Variants in DLG3 observed in about 807,000 individuals in gnomAD.
DLG3 encodes disks large homolog 3.
A neutral mutation model predicts 64.1 loss-of-function variants in DLG3; 1 was observed. The ratio of observed to expected loss-of-function variants is 0.02; its 90% CI spans 0.01 to 0.07. The LOEUF (loss-of-function observed/expected upper bound fraction) is 0.07. DLG3 is among the 10% of genes least tolerant of loss of function. DLG3 has a pLI of 1.00. For synonymous variants in DLG3, 245 were observed against 259.8 expected (o/e 0.94, Z 0.55); for missense variants, 429 against 669.5 (o/e 0.64, Z 3.96).
chrX:70,488,443 T>C (rs1487883902), intron 10 of DLG3, among the ~76,000 whole-genome samples: 2 of 112,356 alleles, frequency 1.8e-5, no homozygotes, highest in Non-Finnish European at 3.8e-5. Context: ...TATCTGGGCC[T>C]GGCTTTCATT....
At chrX:70,463,199 G>A (rs1010467388) in intron 9 of DLG3, among the ~76,000 whole-genome samples, 13 of 111,688 alleles carry the variant, frequency 1.2e-4, no homozygotes, top group African/African-American at 3.9e-4. Flanking sequence ...CCAGTCTGGA[G>A]TGCAGTGGCG....
intron 9 of DLG3, among the ~76,000 whole-genome samples, chrX:70,475,775 T>A (rs1446870322): frequency 1.8e-5 from 2 of 112,259 alleles, no homozygotes; most frequent in Non-Finnish European, 3.8e-5. Context: ...GATACAGAAT[T>A]TTTAAAAAGT....
intron 9 of DLG3, among the ~76,000 whole-genome samples, chrX:70,456,394 T>C (rs1052452688): frequency 2.0e-4 from 23 of 112,341 alleles, no homozygotes; most frequent in African/African-American, 7.4e-4. Context: ...TTTTGCTCTC[T>C]GATGTTGGGC....
At chrX:70,499,790 CCCAGATGAGAATGGA>C in intron 15 of DLG3, 72 bp from the exon 16 acceptor site, 1 of 1,020,634 alleles carries the variant, frequency 9.8e-7, no homozygotes, top group Non-Finnish European at 1.4e-6. Flanking sequence ...CAGTGACCCA[CCCAGATGAGAATGGA>C]CCAGTCAGTA....
intron 9 of DLG3, among the ~76,000 whole-genome samples, chrX:70,456,826 G>T (rs2086717474): frequency 9.0e-6 from 1 of 110,788 alleles, no homozygotes; most frequent in African/African-American, 3.3e-5. Context: ...TCTGTGTTGG[G>T]CTCTAAATTT....
chrX:70,500,837 C>G lies in DLG3; in HGVS notation c.2256-61C>G, dbSNP rs2087542871. 11 of 1,055,855 alleles carry G rather than the reference C, an allele frequency of 1.0e-5. No individual in the cohort carries two copies. The Admixed American group carries it at 2.0e-4, about 20-fold the overall frequency. The allele number at this position is 1,055,855 out of a possible 1,213,427, so 87.0% of individuals were successfully genotyped here. A position where few individuals can be genotyped will look rare whatever the true frequency, so the allele number is the denominator to read the frequency against. ...GATTTTTAGGGATCCTGGAATAATCCTTTATGGTTAATCAGAACATAAGAT... is the reference window on the plus strand; with the variant it reads ...GATTTTTAGGGATCCTGGAATAATCGTTTATGGTTAATCAGAACATAAGAT... On this transcript the variant is annotated intron_variant, in intron 17 of 18. Coordinates refer to ENST00000374360, the MANE Select transcript of DLG3 (RefSeq NM_021120.4).
At chrX:70,451,751 C>G in intron 6 of DLG3, 116 bp from the exon 7 acceptor site, 1 of 906,487 alleles carries the variant, frequency 1.1e-6, no homozygotes, top group Non-Finnish European at 1.6e-6. Flanking sequence ...CCTGAGGAAT[C>G]AGCATCCCTT....
At chrX:70,446,680 T>C (rs2086571945) in intron 1 of DLG3, among the ~76,000 whole-genome samples, 1 of 112,291 alleles carries the variant, frequency 8.9e-6, no homozygotes, top group African/African-American at 3.2e-5. Context: ...GCTTAGAAAA[T>C]GGAAGGAGCA....
chrX:70,493,724 TC>T (rs1187834155), intron 12 of DLG3, among the ~76,000 whole-genome samples: 1 of 112,960 alleles, frequency 8.9e-6, no homozygotes, highest in African/African-American at 3.2e-5. Flanking sequence ...GGTCCCAGGG[TC>T]AGCCTCCAGG....
rs1300548742 is a variant in DLG3 at position 70,491,816 on chromosome X, C to T, written c.1521-291C>T. Among the ~76,000 whole-genome samples the T allele has an allele frequency of 3.6e-5, 4 of 112,163 alleles. No individual in the cohort carries two copies. The East Asian group carries it at 8.4e-4, about 23-fold the overall frequency. On this transcript the variant is annotated intron_variant, in intron 10 of 18. Coordinates refer to ENST00000374360, the MANE Select transcript of DLG3 (RefSeq NM_021120.4). ...GTGGGTGAGGGAGAGGGCTATTGAG[C>T]GAGTTCTACTTTGGACTTTTATCTT...
intron 7 of DLG3, chrX:70,453,374 T>G (rs757496264): frequency 3.0e-6 from 1 of 331,713 alleles, no homozygotes; most frequent in African/African-American, 2.9e-5. Flanking sequence ...AGGGATTTGT[T>G]CACCCGAGAG....
chrX:70,446,142 A>G (rs2086565651), intron 1 of DLG3, among the ~76,000 whole-genome samples: 1 of 110,620 alleles, frequency 9.0e-6, no homozygotes. Context: ...GTCACTCTGA[A>G]TGTGGAGAGG....
rs199927598 is a variant in DLG3, at chrX:70,450,276, C to T, written c.811C>T (p.Arg271Cys). The change falls in exon 5 of 19, where the codon CGC (arginine) becomes TGC (cysteine). Residue 271 changes from arginine to cysteine, a missense_variant. This residue lies in a region of DLG3 where 73 missense variants were observed against 158.5 expected (regional missense o/e 0.46). Coordinates refer to ENST00000374360, the MANE Select transcript of DLG3 (RefSeq NM_021120.4). ...IEGGAAQKDG[R>C]LQIGDRLLAV... ...GGGGGGTGCTGCTCAGAAGGATGGA[C>T]GCCTACAGATTGGGGACCGGCTGCT... 27 of 1,192,006 alleles carry T rather than the reference C, an allele frequency of 2.3e-5. No homozygotes were observed. In the Admixed American group the frequency reaches 4.9e-4, roughly 21 times the overall value.
At chrX:70,502,113 G>A (rs1363692204) in intron 18 of DLG3, 50 bp from the exon 19 acceptor site, 3 of 974,530 alleles carry the variant, frequency 3.1e-6, no homozygotes, top group Non-Finnish European at 4.4e-6. Context: ...CTGGGTTTGG[G>A]GGATGTGCTA....
chrX:70,465,979 G>A (rs1001818763), intron 9 of DLG3, among the ~76,000 whole-genome samples: 8 of 110,923 alleles, frequency 7.2e-5, no homozygotes, highest in African/African-American at 1.6e-4. Context: ...ATTATGTTCC[G>A]AAAAGATTTT....
In DLG3 at chrX:70,452,741, C is replaced by T. The variant is rs186178441; in HGVS notation, c.1145+715C>T. 290 of 1,187,234 alleles carry T rather than the reference C, an allele frequency of 2.4e-4. 3 individuals are homozygous for T. In the East Asian group the frequency reaches 7.4e-3, roughly 30 times the overall value. On this transcript the variant is annotated intron_variant, in intron 7 of 18. Coordinates refer to ENST00000374360, the MANE Select transcript of DLG3 (RefSeq NM_021120.4). ...CCTGGCCGCTCCGCTCCCTGCGGCC[C>T]GGAGGGGATGCCAGGTAGGAGTGGA...
chrX:70,449,973 C>T, intron 4 of DLG3, 114 bp downstream of exon 4: 1 of 1,019,758 alleles, frequency 9.8e-7, no homozygotes, highest in Non-Finnish European at 1.3e-6. Flanking sequence ...TCCCCCTGTT[C>T]CAACTCACAG....
chrX:70,469,315 A>G lies in DLG3; in HGVS notation c.1406-9835A>G, dbSNP rs193161030. On this transcript the variant is annotated intron_variant, in intron 9 of 18. Coordinates refer to ENST00000374360, the MANE Select transcript of DLG3 (RefSeq NM_021120.4). ...AGTGTGAGCCACTGCATCTGGCCCC[A>G]TAACTATTTTATAAAGACAAGTTTG... Among the ~76,000 whole-genome samples the G allele has an allele frequency of 3.0e-3, 332 of 111,552 alleles. 3 individuals carry two copies. Among genetic ancestry groups the G allele is most frequent in the African/African-American group, 0.01 (310 of 30,738 alleles).
chrX:70,458,987 C>G (rs1420045767), intron 9 of DLG3, among the ~76,000 whole-genome samples: 1 of 112,170 alleles, frequency 8.9e-6, no homozygotes, highest in Non-Finnish European at 1.9e-5. Context: ...GTGGAATTGT[C>G]CCACCAAGGG....
Sources: allele counts gnomAD v4.1 joint callset (sites outside exome capture counted in the v4.1 genomes callset), GRCh38; gene constraint gnomAD v4.1.1; regional missense constraint gnomAD v4.1.1; transcripts MANE v1.5; gene names NCBI Gene and HGNC (gene_info 2026-07-23, HGNC 2026-07-21).